The following MYOM3 variants were observed in gnomAD, a reference collection of about 807,000 sequenced individuals.
MYOM3 encodes myomesin 3.
MYOM3 carries 155 observed loss-of-function variants against 191.7 expected under a neutral mutation model. The observed-to-expected ratio is 0.81, with a 90% CI of 0.71 to 0.92. The LOEUF (loss-of-function observed/expected upper bound fraction) is 0.92. MYOM3 is among the 40% of genes least tolerant of loss of function. The pLI is 0.00. For missense variants in MYOM3, 1,889 were observed against 1,890.6 expected (o/e 1.00, Z 0.02); for synonymous variants, 757 against 762.9 (o/e 0.99, Z 0.13).
chr1:24,074,533 G>GTA (rs1643573249), intron 22 of MYOM3, among the ~76,000 whole-genome samples: 1 of 152,184 alleles, frequency 6.6e-6, no homozygotes, highest in African/African-American at 2.4e-5. Flanking sequence ...AGGGCTTGAG[G>GTA]CATAGGCTTT....
intron 20 of MYOM3, among the ~76,000 whole-genome samples, chr1:24,078,593 C>T (rs1643630311): frequency 6.6e-6 from 1 of 152,194 alleles, no homozygotes; most frequent in Non-Finnish European, 1.5e-5. Context: ...ACTGCATATC[C>T]TCCTGCCTGC....
intron 25 of MYOM3, among the ~76,000 whole-genome samples, chr1:24,069,615 CTT>C (rs66925187): frequency 2.3e-4 from 32 of 138,128 alleles, no homozygotes; most frequent in Non-Finnish European, 1.9e-4. Context: ...TTCTTTCTTT[CTT>C]TTTTTTTTTT....
At chr1:24,103,209 G>A (rs1643953578) in intron 5 of MYOM3, among the ~76,000 whole-genome samples, 1 of 152,264 alleles carries the variant, frequency 6.6e-6, no homozygotes, top group African/African-American at 2.4e-5. Context: ...GGGGAGGACA[G>A]CTGAGTTGCT....
chr1:24,091,132 T>C, intron 11 of MYOM3, 136 bp from the exon 12 acceptor site: 4 of 1,025,338 alleles, frequency 3.9e-6, no homozygotes, highest in Non-Finnish European at 5.6e-6. Flanking sequence ...TTCTCTCCAA[T>C]GGAAGAGCCT....
intron 16 of MYOM3, chr1:24,083,463 C>A: frequency 6.5e-6 from 1 of 152,896 alleles, no homozygotes; most frequent in South Asian, 1.9e-4. Context: ...TTTTGGGACT[C>A]GGACTGGCTT....
intron 12 of MYOM3, among the ~76,000 whole-genome samples, 174 bp from the exon 13 acceptor site, chr1:24,090,292 A>AT (rs1212873999): frequency 6.6e-6 from 1 of 152,174 alleles, no homozygotes; most frequent in Admixed American, 6.5e-5. Flanking sequence ...CAGGAGTCCC[A>AT]AGTGGAGCCC....
Position 24,065,906 on chromosome 1 carries a change from A to T in MYOM3, c.3519T>A (p.Leu1173=), listed in dbSNP as rs761593029. The T allele has an allele frequency of 6.2e-7, 1 of 1,612,076 alleles. No homozygotes were observed. Among genetic ancestry groups the T allele is most frequent in the South Asian group, 1.1e-5 (1 of 91,050 alleles). ...GQYDPETGTG[L]LCIEELSKKD... is the part of the protein sequence containing the mutation. ...CCACACTTGCCTCTTCAATGCAGAGAAGTCCCGTTCCCGTCTCTGGGTCAT... is the reference window on the plus strand; with the variant it reads ...CCACACTTGCCTCTTCAATGCAGAGTAGTCCCGTTCCCGTCTCTGGGTCAT... Residue 1173 remains leucine (L), a synonymous_variant, in exon 29 of 37, where the codon CTT becomes CTA. Transcript: ENST00000374434.
rs2148556258 is a variant in MYOM3 at position 24,092,328 on chromosome 1, GGTGA to G, written c.1091-17_1091-14del. ...TCGGCCTCGGCATCTGAAACCCGGG[GGTGA>G]GAGGGAGGCCCTTCTAGTCAGTGGC... On this transcript the variant is annotated splice_polypyrimidine_tract_variant and intron_variant, in intron 10 of 36. Transcript: ENST00000374434. 2 of 1,351,840 alleles carry G rather than the reference GGTGA, an allele frequency of 1.5e-6. No individual in the cohort carries two copies. Among genetic ancestry groups the G allele is most frequent in the East Asian group, 5.6e-5 (2 of 35,946 alleles). The allele number at this position is 1,351,840 out of a possible 1,614,324, so 83.7% of individuals were successfully genotyped here. A position where few individuals can be genotyped will look rare whatever the true frequency, so the allele number is the denominator to read the frequency against.
At chr1:24,060,098 C>T (rs141296719) in intron 35 of MYOM3, among the ~76,000 whole-genome samples, 3 of 152,282 alleles carry the variant, frequency 2.0e-5, no homozygotes, top group Admixed American at 6.5e-5. Context: ...GGGTCCTGGA[C>T]GGGGCTTCTG....
chr1:24,092,054 T>C (rs1643845428), intron 11 of MYOM3, 120 bp downstream of exon 11: 1 of 999,526 alleles, frequency 1.0e-6, no homozygotes, highest in Non-Finnish European at 1.4e-6. Context: ...TGTCCTTTTC[T>C]GAGGAGCGGG....
At chr1:24,081,703 C>T (rs2148551124) in intron 18 of MYOM3, 2 of 587,598 alleles carry the variant, frequency 3.4e-6, no homozygotes, top group East Asian at 2.9e-5. Context: ...GCCAGGACTA[C>T]AGGCGCGTGC....
At chr1:24,097,566 A>C (rs1643885200) in intron 7 of MYOM3, among the ~76,000 whole-genome samples, 1 of 152,202 alleles carries the variant, frequency 6.6e-6, no homozygotes, top group African/African-American at 2.4e-5. Context: ...CAGCCCTGCC[A>C]CCGGCTGGCT....
intron 35 of MYOM3, among the ~76,000 whole-genome samples, chr1:24,060,551 G>T (rs1474878043): frequency 6.6e-6 from 1 of 152,202 alleles, no homozygotes; most frequent in Non-Finnish European, 1.5e-5. Flanking sequence ...CAGACAGCCA[G>T]ACTCCTACCA....
Position 24,057,515 on chromosome 1 carries a change from G to A in MYOM3, c.4163C>T (p.Thr1388Ile), listed in dbSNP as rs1643317399. Residue 1388 changes from threonine to isoleucine, a missense_variant, in exon 37 of 37, where the codon ACA becomes ATA. Transcript: ENST00000374434. ...LDRYRMEVRG[T>I]EVTITIEKVN... is the part of the protein sequence containing the mutation. ...CTTCTCAATGGTGATGGTGACCTCT[G>A]TCCCCCTCACTTCCATGCGGTATCG... 2 of 1,614,070 alleles carry A rather than the reference G, an allele frequency of 1.2e-6. No homozygotes were observed. Among genetic ancestry groups the A allele is most frequent in the African/African-American group, 1.3e-5 (1 of 74,910 alleles).
At chr1:24,110,405 T>C (rs1160977078) in intron 1 of MYOM3, among the ~76,000 whole-genome samples, 1 of 152,134 alleles carries the variant, frequency 6.6e-6, no homozygotes, top group Non-Finnish European at 1.5e-5. Context: ...GGCTGTCTTC[T>C]GCCTGGATGT....
intron 15 of MYOM3, 68 bp from the exon 16 acceptor site, chr1:24,084,707 G>T: frequency 6.9e-7 from 1 of 1,443,354 alleles, no homozygotes; most frequent in Non-Finnish European, 9.5e-7. Flanking sequence ...TGGGGAAGGG[G>T]AGGAGCATGG....
rs771184991 is a variant in MYOM3 at position 24,071,977 on chromosome 1, C to T, written c.3005G>A (p.Arg1002Lys). Residue 1002 changes from arginine to lysine, a missense_variant, in exon 24 of 37, where the codon AGA becomes AAA. Coordinates refer to ENST00000374434, the MANE Select transcript of MYOM3 (RefSeq NM_152372.4). Reference protein sequence around the residue: ...EKLKKLSHEIRNPVIKLISGW... With the variant: ...EKLKKLSHEIKNPVIKLISGW... ...TTGGACTGCTTGCTTACCTGGGTTT[C>T]TGATCTCATGACTCAGCTTCTTCAG... 6.2e-7 allele frequency: 1 copy of T among 1,614,140 alleles called. No individual in the cohort carries two copies. Among genetic ancestry groups the T allele is most frequent in the East Asian group, 2.2e-5 (1 of 44,864 alleles).
chr1:24,081,048 G>C lies in MYOM3; in HGVS notation c.2407+282C>G, dbSNP rs560670157. 2.0e-5 allele frequency among the ~76,000 whole-genome samples: 3 copies of C among 152,358 alleles called. No individual in the cohort carries two copies. In the East Asian group the frequency reaches 5.8e-4, roughly 29 times the overall value. On this transcript the variant is annotated intron_variant, in intron 19 of 36. Coordinates refer to ENST00000374434, the MANE Select transcript of MYOM3 (RefSeq NM_152372.4). ...AGTGCACCTTTGGGGCTGGAGATTG[G>C]TCTATGGCTAGAAGCAGGCAGGCTC...
At position 24,063,135 on chromosome 1, in the gene MYOM3, C is replaced by T. The variant is rs1241487519; in HGVS notation, c.3761G>A (p.Trp1254Ter). ...GGCAAGGCGGACTTACTTGTGGAAC[C>T]AGGTGGTTTTCATGTACTCCACGTT... is the stretch of plus-strand genomic sequence containing the variant. ...YYNVEYMKTT[W>*]FHKDKRLESG... Residue 1254 changes from tryptophan to a stop codon, truncating the protein, a stop_gained, in exon 32 of 37, where the codon TGG (tryptophan) becomes TAG (stop). Coordinates refer to ENST00000374434, the MANE Select transcript of MYOM3 (RefSeq NM_152372.4). LOFTEE classifies it high-confidence loss of function. The surrounding 1 kb of genome is among the most constrained non-coding windows in gnomAD (Gnocchi z 4.5). 6.2e-7 allele frequency: 1 copy of T among 1,607,590 alleles called. No homozygotes were observed. The highest frequency in any genetic ancestry group is 8.5e-7 in the Non-Finnish European group (1 of 1,174,456).
Sources: gnomAD v4.1 joint callset for allele counts (sites outside exome capture counted in the v4.1 genomes callset) on GRCh38, gnomAD v4.1.1 for gene constraint, Gnocchi (gnomAD v3.1) non-coding constraint, MANE v1.5 for transcripts, NCBI Gene and HGNC (gene_info 2026-07-23, HGNC 2026-07-21) for gene names.